Variants in RCAN1 observed in about 807,000 individuals in gnomAD.
RCAN1 encodes the protein regulator of calcineurin 1, also known as calcipressin-1.
A neutral mutation model predicts 22.9 loss-of-function variants in RCAN1; 11 were observed. The ratio of observed to expected loss-of-function variants is 0.48; its 90% CI spans 0.30 to 0.79. The LOEUF (loss-of-function observed/expected upper bound fraction) is 0.79, where lower values mean the gene tolerates loss of function less well. Ranked by LOEUF, RCAN1 falls within the 30% of genes least tolerant of loss-of-function variation. RCAN1 has a pLI of 0.06. For synonymous variants in RCAN1, 136 were observed against 142.3 expected (o/e 0.96, Z 0.32); for missense variants, 291 against 337.8 (o/e 0.86, Z 1.09).
chr21:34,525,456 G>A, intron 1 of RCAN1: 2 of 1,350,154 alleles, frequency 1.5e-6, no homozygotes, highest in South Asian at 1.8e-5. Context: ...TCTTGAGCAC[G>A]GGCAAGTTTC....
chr21:34,614,476 A>C lies in RCAN1; in HGVS notation c.252+284T>G. ...GGCGCTGCCCCACCTTGGGGAGCGAATTCACCCCCCTAGTCGCACCAGCCT... is the reference window on the plus strand; with the variant it reads ...GGCGCTGCCCCACCTTGGGGAGCGACTTCACCCCCCTAGTCGCACCAGCCT... On this transcript the variant is annotated intron_variant, in intron 1 of 3. Transcript: ENST00000313806. This position sits in a 1 kb window ranked among gnomAD's most constrained non-coding sequence, Gnocchi z 6.0. 2.0e-6 allele frequency: 2 copies of C among 1,025,192 alleles called. No individual in the cohort carries two copies. The highest frequency in any genetic ancestry group is 1.7e-5 in the African/African-American group (1 of 58,220). 63.5% of individuals were successfully genotyped at this position (1,025,192 alleles called of 1,614,324 possible).
chr21:34,538,398 T>C (rs1985771586), intron 1 of RCAN1, among the ~76,000 whole-genome samples: 2 of 152,166 alleles, frequency 1.3e-5, no homozygotes, highest in Admixed American at 1.3e-4. Context: ...TCCTCCATCC[T>C]GAGGGAGGAC....
intron 1 of RCAN1, among the ~76,000 whole-genome samples, chr21:34,612,740 C>T (rs993339118): frequency 1.3e-5 from 2 of 152,250 alleles, no homozygotes; most frequent in African/African-American, 4.8e-5. Context: ...CAGGCAGCTC[C>T]TCCCCTAGGT....
At chr21:34,599,647 G>T (rs1220686442) in intron 1 of RCAN1, among the ~76,000 whole-genome samples, 1 of 152,012 alleles carries the variant, frequency 6.6e-6, no homozygotes, top group African/African-American at 2.4e-5. Flanking sequence ...TGTGTGAAAG[G>T]GTATACATAC....
At chr21:34,530,365 C>A (rs1985311333) in intron 1 of RCAN1, among the ~76,000 whole-genome samples, 1 of 152,114 alleles carries the variant, frequency 6.6e-6, no homozygotes, top group Admixed American at 6.6e-5. Flanking sequence ...CCATCATTCC[C>A]ATTACAGCAT....
rs2284598 is a variant in RCAN1 at position 34,578,818 on chromosome 21, T to C, written c.252+35942A>G. 6.0e-3 allele frequency among the ~76,000 whole-genome samples: 910 copies of C among 152,056 alleles called. 29 individuals are homozygous for C. In the East Asian group the frequency reaches 0.093, roughly 16 times the overall value. ...TAAATACAGCGCCCAACAGAGTGGG[T>C]CCTCCTGGCCACTCGGTTGGGCTGT... On this transcript the variant is annotated intron_variant, in intron 1 of 3. Transcript: ENST00000313806.
intron 1 of RCAN1, among the ~76,000 whole-genome samples, chr21:34,536,141 T>G (rs1985661289): frequency 6.6e-6 from 1 of 152,178 alleles, no homozygotes; most frequent in Admixed American, 6.5e-5. Context: ...ACGCACTGCT[T>G]GCAATGTTTA....
rs1255438652 is a variant in RCAN1, at chr21:34,597,901, A to T, written c.252+16859T>A. Among the ~76,000 whole-genome samples, 8 of 152,366 alleles carry T rather than the reference A, an allele frequency of 5.3e-5. No homozygotes were observed. The East Asian group carries it at 1.3e-3, about 26-fold the overall frequency. On this transcript the variant is annotated intron_variant, in intron 1 of 3. Coordinates refer to ENST00000313806, the MANE Select transcript of RCAN1 (RefSeq NM_004414.7). The stretch of plus-strand genomic sequence containing the variant: ...ATAGAGGTAAAAATAAGTGTAATTT[A>T]AAAATCCCATTTTTAAATAATTTCT...
chr21:34,543,637 A>G (rs2123629665), intron 1 of RCAN1, among the ~76,000 whole-genome samples: 1 of 152,372 alleles, frequency 6.6e-6, no homozygotes, highest in African/African-American at 2.4e-5. Flanking sequence ...GTAGCTTTAT[A>G]GAACATCCAG....
chr21:34,572,194 T>C (rs1335466714), intron 1 of RCAN1, among the ~76,000 whole-genome samples: 2 of 152,178 alleles, frequency 1.3e-5, no homozygotes, highest in Non-Finnish European at 2.9e-5. Flanking sequence ...TAAAAAGTCC[T>C]CGAATTAAAA....
intron 1 of RCAN1, among the ~76,000 whole-genome samples, chr21:34,550,486 AGAG>A (rs1986325681): frequency 6.6e-6 from 1 of 152,212 alleles, no homozygotes; most frequent in Admixed American, 6.5e-5. Flanking sequence ...CATTATAAGA[AGAG>A]GAGATTTGGA....
intron 1 of RCAN1, chr21:34,559,960 A>G (rs1368831882): frequency 6.6e-6 from 1 of 152,230 alleles, no homozygotes; most frequent in Non-Finnish European, 1.5e-5. Context: ...CATGCCTTCA[A>G]GTTTCCACGG....
chr21:34,557,235 T>A (rs960774974), intron 1 of RCAN1, among the ~76,000 whole-genome samples: 1 of 152,018 alleles, frequency 6.6e-6, no homozygotes, highest in Non-Finnish European at 1.5e-5. Context: ...AAAATTAAAT[T>A]AAATTTAAAA....
intron 1 of RCAN1, among the ~76,000 whole-genome samples, chr21:34,587,238 A>G (rs899504238): frequency 2.6e-5 from 4 of 152,156 alleles, no homozygotes; most frequent in Non-Finnish European, 4.4e-5. Context: ...AACTTACAAA[A>G]ATGACAGAAG....
intron 1 of RCAN1, among the ~76,000 whole-genome samples, chr21:34,564,689 A>G (rs1353763927): frequency 6.6e-6 from 1 of 152,138 alleles, no homozygotes; most frequent in African/African-American, 2.4e-5. Context: ...TTCATTAATT[A>G]TTTTTCTATG....
intron 1 of RCAN1, among the ~76,000 whole-genome samples, chr21:34,590,620 C>G (rs890456655): frequency 1.3e-5 from 2 of 152,220 alleles, no homozygotes; most frequent in Admixed American, 6.5e-5. Context: ...TGCTCAGCAC[C>G]TGGTGCCCTT....
At chr21:34,555,672 G>C (rs114085053) in intron 1 of RCAN1, among the ~76,000 whole-genome samples, 1,871 of 152,136 alleles carry the variant, frequency 0.012, 30 homozygotes, top group African/African-American at 0.043. Context: ...TCATTGTTGA[G>C]GCTGGGTGAG....
intron 1 of RCAN1, among the ~76,000 whole-genome samples, chr21:34,550,419 G>A (rs1277438012): frequency 1.3e-5 from 2 of 152,096 alleles, no homozygotes; most frequent in Non-Finnish European, 2.9e-5. Flanking sequence ...CCTTTAAATG[G>A]GTGACTAAGT....
At chr21:34,519,397 CT>C (rs34152667) in intron 3 of RCAN1, among the ~76,000 whole-genome samples, 30,283 of 102,304 alleles carry the variant, frequency 0.3, 2,437 homozygotes, top group East Asian at 0.45. Context: ...TTCTTTCTTT[CT>C]TTTTTTTTTT....
Sources: gnomAD v4.1 joint callset for allele counts (sites outside exome capture counted in the v4.1 genomes callset) on GRCh38, gnomAD v4.1.1 for gene constraint, Gnocchi (gnomAD v3.1) non-coding constraint, MANE v1.5 for transcripts, NCBI Gene and HGNC (gene_info 2026-07-23, HGNC 2026-07-21) for gene names.